EIF2AK3: variants seen among roughly 807,000 people sequenced by gnomAD.
EIF2AK3 encodes eukaryotic translation initiation factor 2 alpha kinase 3.
EIF2AK3 carries 50 observed loss-of-function variants against 113.5 expected under a neutral mutation model. The observed-to-expected ratio is 0.44, with a 90% CI of 0.35 to 0.56. The LOEUF is 0.56. Among genes scored for constraint, EIF2AK3 ranks in the 20% least tolerant of loss-of-function variants. The pLI is 0.00. For missense variants in EIF2AK3, 1,185 were observed against 1,378.0 expected, an observed-to-expected ratio of 0.86 and a Z score of 2.22; for synonymous variants, 448 against 495.4, an observed-to-expected ratio of 0.90 and a Z score of 1.27.
intron 2 of EIF2AK3, among the ~76,000 whole-genome samples, chr2:88,597,598 T>G (rs952335669): frequency 3.9e-5 from 6 of 152,190 alleles, no homozygotes; most frequent in Non-Finnish European, 8.8e-5. Context: ...GTTACTGATA[T>G]TGTTCAGTTA....
chr2:88,622,551 G>C (rs1252472941), intron 1 of EIF2AK3, among the ~76,000 whole-genome samples: 1 of 152,186 alleles, frequency 6.6e-6, no homozygotes, highest in Non-Finnish European at 1.5e-5. Flanking sequence ...CACAGTCCTG[G>C]CATCAATTAA....
At chr2:88,616,292 A>G (rs1675567719) in intron 1 of EIF2AK3, among the ~76,000 whole-genome samples, 1 of 152,078 alleles carries the variant, frequency 6.6e-6, no homozygotes, top group Admixed American at 6.6e-5. Context: ...TTGCATATCC[A>G]TAGACAGACC....
chr2:88,623,095 T>C (rs1418935948), intron 1 of EIF2AK3, among the ~76,000 whole-genome samples: 2 of 152,228 alleles, frequency 1.3e-5, no homozygotes, highest in African/African-American at 4.8e-5. Flanking sequence ...ATAAAACTAG[T>C]TCTTTAGAAC....
rs750573955 is a variant in EIF2AK3 at position 88,583,546 on chromosome 2, A to C, written c.1651-4T>G. ...GAGTTTCAGACTCCTTCCTTTGCTG[A>C]TAAGGTGAAAAACAAAATCACTACC... On this transcript the variant is annotated splice_polypyrimidine_tract_variant and splice_region_variant and intron_variant, in intron 9 of 16. Coordinates refer to ENST00000303236, the MANE Select transcript of EIF2AK3 (RefSeq NM_004836.7). 1 of 1,609,318 alleles carries C rather than the reference A, an allele frequency of 6.2e-7. No homozygotes were observed. The highest frequency in any genetic ancestry group is 1.1e-5 in the South Asian group (1 of 91,010).
intron 1 of EIF2AK3, among the ~76,000 whole-genome samples, chr2:88,620,089 T>C (rs911135093): frequency 6.6e-6 from 1 of 152,208 alleles, no homozygotes; most frequent in Non-Finnish European, 1.5e-5. Context: ...TTCCCCTCTC[T>C]TCTTCCCACA....
chr2:88,576,343 G>T (rs548715009), intron 12 of EIF2AK3, among the ~76,000 whole-genome samples: 1 of 152,162 alleles, frequency 6.6e-6, no homozygotes, highest in African/African-American at 2.4e-5. Context: ...GCCTCCCAAA[G>T]TGCTGGGATT....
Position 88,627,175 on chromosome 2 carries a change from G to A in EIF2AK3, c.100C>T (p.Arg34Cys). 6.9e-7 allele frequency: 1 copy of A among 1,441,330 alleles called. No individual in the cohort carries two copies. The highest frequency in any genetic ancestry group is 9.1e-7 in the Non-Finnish European group (1 of 1,102,738). The allele number at this position is 1,441,330 out of a possible 1,614,324, so 89.3% of individuals were successfully genotyped here. A position where few individuals can be genotyped will look rare whatever the true frequency, so the allele number is the denominator to read the frequency against. The change falls in exon 1 of 17, where the codon CGT becomes TGT. Residue 34 changes from arginine (R) to cysteine (C), a missense_variant. By Grantham distance (180) the Arg-to-Cys change is radical. Coordinates refer to ENST00000303236, the MANE Select transcript of EIF2AK3 (RefSeq NM_004836.7). Reference protein sequence around the residue: ...AARTVAAGRARGLPAPTAEAA... With the variant: ...AARTVAAGRACGLPAPTAEAA... ...TCCGCCGTCGGCGCTGGGAGGCCACGGGCGCGCCCCGCGGCCACCGTCCTT... is the reference window on the plus strand; with the variant it reads ...TCCGCCGTCGGCGCTGGGAGGCCACAGGCGCGCCCCGCGGCCACCGTCCTT...
Position 88,557,570 on chromosome 2 carries a change from A to G in EIF2AK3, c.*166T>C. The G allele has an allele frequency of 1.4e-6, 1 of 727,300 alleles. No individual in the cohort carries two copies. 45.1% of individuals were successfully genotyped at this position (727,300 alleles called of 1,614,324 possible). A position where few individuals can be genotyped will look rare whatever the true frequency, so the allele number is the denominator to read the frequency against. ...TAGCAAAACTCAGGAGTTGGCTCAA[A>G]TTAGGTTATGCCCCCAAATCCAGCT... On this transcript the variant is annotated 3_prime_UTR_variant, in exon 17 of 17. Transcript: ENST00000303236.
In EIF2AK3 at chr2:88,593,295, G is replaced by A. The variant is rs147298435; in HGVS notation, c.744C>T (p.Val248=). ...LQRTQKTVRA[V]GPRSGNEKWN... ...ACTTCTCATTGCCACTGCGAGGTCCGACAGCTCTAACAGTTTTTTGGGTAC... is the reference window on the plus strand; with the variant it reads ...ACTTCTCATTGCCACTGCGAGGTCCAACAGCTCTAACAGTTTTTTGGGTAC... The change falls in exon 4 of 17, where the codon GTC becomes GTT. Residue 248 remains valine (V), a synonymous_variant. Coordinates refer to ENST00000303236, the MANE Select transcript of EIF2AK3 (RefSeq NM_004836.7). 111 of 1,613,978 alleles carry A rather than the reference G, an allele frequency of 6.9e-5. 2 individuals are homozygous for A. The Middle Eastern group carries it at 4.0e-3, about 58-fold the overall frequency.
intron 10 of EIF2AK3, among the ~76,000 whole-genome samples, chr2:88,582,927 C>T (rs1286191317): frequency 6.6e-6 from 1 of 152,132 alleles, no homozygotes; most frequent in African/African-American, 2.4e-5. Flanking sequence ...ACATTTTATA[C>T]TTGAGAGATT....
At chr2:88,617,755 CAA>C (rs34207001) in intron 1 of EIF2AK3, among the ~76,000 whole-genome samples, 2 of 145,384 alleles carry the variant, frequency 1.4e-5, no homozygotes, top group Admixed American at 6.8e-5. Flanking sequence ...GACTCCATCT[CAA>C]AAAAAAAAAA....
chr2:88,560,198 C>G (rs1227118500), intron 15 of EIF2AK3, among the ~76,000 whole-genome samples: 1 of 152,088 alleles, frequency 6.6e-6, no homozygotes, highest in South Asian at 2.1e-4. Flanking sequence ...ATTTGCATTT[C>G]CCTAATGCCC....
chr2:88,586,486 G>C (rs556103590), intron 8 of EIF2AK3, among the ~76,000 whole-genome samples: 2 of 151,984 alleles, frequency 1.3e-5, no homozygotes, highest in South Asian at 4.2e-4. Context: ...CATGCTGTTT[G>C]GTTCAGTTTA....
intron 12 of EIF2AK3, 31 bp from the exon 13 acceptor site, chr2:88,575,477 A>G: frequency 2.5e-6 from 4 of 1,599,732 alleles, no homozygotes; most frequent in Non-Finnish European, 3.4e-6. Flanking sequence ...AAGGGGTAAG[A>G]GTGAATATAT....
chr2:88,581,144 T>C (rs564741181), intron 10 of EIF2AK3, among the ~76,000 whole-genome samples: 6 of 151,938 alleles, frequency 3.9e-5, no homozygotes, highest in South Asian at 2.1e-4. Context: ...GCAGAGTTCA[T>C]GTTCTTAACA....
rs142058296 is a variant in EIF2AK3 at position 88,613,503 on chromosome 2, C to G, written c.438+221G>C. Among the ~76,000 whole-genome samples the G allele has an allele frequency of 4.2e-3, 644 of 152,208 alleles. 2 individuals carry two copies. Among genetic ancestry groups the G allele is most frequent in the African/African-American group, 0.015 (614 of 41,510 alleles). ...CAGCTGCTCACTTATAGGATTAACT[C>G]ACTTAATGCCCCAAGTAATCCTAAG... is the stretch of plus-strand genomic sequence containing the variant. On this transcript the variant is annotated intron_variant, in intron 2 of 16. Transcript: ENST00000303236.
At chr2:88,572,790 A>G (rs920815139) in intron 13 of EIF2AK3, among the ~76,000 whole-genome samples, 10 of 152,246 alleles carry the variant, frequency 6.6e-5, no homozygotes, top group Admixed American at 5.9e-4. Flanking sequence ...TACTGAGACT[A>G]TAACAGGTAA....
chr2:88,560,362 A>G (rs1368822199), intron 15 of EIF2AK3, among the ~76,000 whole-genome samples: 2 of 152,314 alleles, frequency 1.3e-5, no homozygotes, highest in East Asian at 1.9e-4. Context: ...CTTTTCGGAT[A>G]TAGGATTTAC....
At chr2:88,586,155 T>C (rs945435139) in intron 8 of EIF2AK3, 94 bp from the exon 9 acceptor site, 1 of 938,086 alleles carries the variant, frequency 1.1e-6, no homozygotes, top group Non-Finnish European at 1.7e-6. Context: ...CTGTGACTTA[T>C]CACATTAATT....
Sources: gnomAD v4.1 joint callset for allele counts (sites outside exome capture counted in the v4.1 genomes callset) on GRCh38, gnomAD v4.1.1 for gene constraint, MANE v1.5 for transcripts, NCBI Gene and HGNC (gene_info 2026-07-23, HGNC 2026-07-21) for gene names.